IKBKB: variants seen among roughly 807,000 people sequenced by gnomAD.
The protein encoded by IKBKB is inhibitor of nuclear factor kappa-B kinase subunit beta.
In IKBKB, 42 loss-of-function variants were observed where a neutral mutation model predicts 113.6. The ratio of observed to expected loss-of-function variants is 0.37; its 90% CI spans 0.29 to 0.48. The LOEUF (loss-of-function observed/expected upper bound fraction) is 0.48. IKBKB is among the 20% of genes least tolerant of loss of function. IKBKB has a pLI of 0.99. For missense variants in IKBKB, 673 were observed against 939.7 expected, an observed-to-expected ratio of 0.72 and a Z score of 3.71; for synonymous variants, 296 against 361.3, an observed-to-expected ratio of 0.82 and a Z score of 2.05.
intron 1 of IKBKB, 151 bp downstream of exon 1, chr8:42,271,620 G>A: frequency 1.8e-6 from 1 of 548,880 alleles, no homozygotes; most frequent in South Asian, 2.2e-5. Context: ...AGTTCGGGAA[G>A]CCGGGAGAAA....
At position 42,321,960 on chromosome 8, in the gene IKBKB, G is replaced by T. The variant is rs1351664573; in HGVS notation, c.1738+15G>T. On this transcript the variant is annotated intron_variant, in intron 17 of 21. Coordinates refer to ENST00000520810, the MANE Select transcript of IKBKB (RefSeq NM_001556.3). ...AAAACCTCGAGGTAAGTGGGGTTCT[G>T]TGTCTGCCTTGGGCTTCTCCTTATC... 3.1e-6 allele frequency: 5 copies of T among 1,613,238 alleles called. No individual in the cohort carries two copies. Among genetic ancestry groups the T allele is most frequent in the Non-Finnish European group, 4.2e-6 (5 of 1,179,300 alleles).
intron 11 of IKBKB, 93 bp from the exon 12 acceptor site, chr8:42,317,564 G>T: frequency 1.2e-6 from 1 of 836,488 alleles, no homozygotes; most frequent in East Asian, 2.5e-5. Context: ...TGCTCTTGCT[G>T]AACAGTGGGG....
chr8:42,329,875 C>G, intron 21 of IKBKB: 3 of 985,384 alleles, frequency 3.0e-6, no homozygotes, highest in Non-Finnish European at 3.6e-6. Flanking sequence ...CTTTACATGG[C>G]CTTTACCTGC....
At chr8:42,325,601 C>A in intron 19 of IKBKB, 1 of 894,438 alleles carries the variant, frequency 1.1e-6, no homozygotes, top group Non-Finnish European at 1.4e-6. Flanking sequence ...ATCGCTTAAA[C>A]CCCGGAGGTG....
At chr8:42,322,598 G>C in intron 19 of IKBKB, 104 bp downstream of exon 19, 1 of 1,211,152 alleles carries the variant, frequency 8.3e-7, no homozygotes, top group Non-Finnish European at 1.2e-6. Flanking sequence ...AGAGCCACCA[G>C]CAGCCCACTC....
rs183438770 is a variant in IKBKB at position 42,326,957 on chromosome 8, G to T, written c.2114+860G>T. Among the ~76,000 whole-genome samples, 6 of 152,276 alleles carry T rather than the reference G, an allele frequency of 3.9e-5. No individual in the cohort carries two copies. In the East Asian group the frequency reaches 1.2e-3, roughly 29 times the overall value. ...TGGGAAACACCGATGATTACCTGGGGCAGGGGAGGAGGTTGGGAGTGACTG... is the reference window on the plus strand; with the variant it reads ...TGGGAAACACCGATGATTACCTGGGTCAGGGGAGGAGGTTGGGAGTGACTG... On this transcript the variant is annotated intron_variant, in intron 20 of 21. Coordinates refer to ENST00000520810, the MANE Select transcript of IKBKB (RefSeq NM_001556.3).
chr8:42,320,831 A>G lies in IKBKB; in HGVS notation c.1675A>G (p.Thr559Ala), dbSNP rs1182623073. Residue 559 changes from threonine (T) to alanine (A), a missense_variant, in exon 16 of 22, where the codon ACG becomes GCG. By Grantham distance (58) the Thr-to-Ala change is moderately conservative. This residue lies in a region of IKBKB where 506 missense variants were observed against 638.7 expected (regional missense o/e 0.79). Coordinates refer to ENST00000520810, the MANE Select transcript of IKBKB (RefSeq NM_001556.3). The stretch of plus-strand genomic sequence containing the variant: ...CCCCATGGGCCGGAAGCAGGGGGGA[A>G]CGCTGGACGACCTGTGAGTACTGGC... The part of the protein sequence containing the change: ...RSPMGRKQGG[T>A]LDDLEEQARE... 12 of 1,592,774 alleles carry G rather than the reference A, an allele frequency of 7.5e-6. No individual in the cohort carries two copies. In the Admixed American group the frequency reaches 1.0e-4, roughly 14 times the overall value.
At chr8:42,309,688 G>T (rs1409308586) in intron 8 of IKBKB, 1 of 163,450 alleles carries the variant, frequency 6.1e-6, no homozygotes, top group East Asian at 1.9e-4. Flanking sequence ...GGCAGAGGTC[G>T]CATCACTGCA....
rs534804914 is a variant in IKBKB at position 42,273,482 on chromosome 8, C to A, written c.105+1277C>A. Among the ~76,000 whole-genome samples the A allele has an allele frequency of 6.6e-5, 10 of 151,694 alleles. No individual in the cohort carries two copies. In the East Asian group the frequency reaches 1.9e-3, roughly 29 times the overall value. ...TATGATGTCTTCCCAGTATTGCTTG[C>A]GATACTGCACGGCAAAAAATAAGCA... On this transcript the variant is annotated intron_variant, in intron 2 of 21. Coordinates refer to ENST00000520810, the MANE Select transcript of IKBKB (RefSeq NM_001556.3).
chr8:42,309,994 A>G (rs546429832), intron 8 of IKBKB, among the ~76,000 whole-genome samples: 3 of 152,374 alleles, frequency 2.0e-5, no homozygotes, highest in Admixed American at 2.0e-4. Context: ...TATGGTAATT[A>G]GCTCAATGTA....
Position 42,316,092 on chromosome 8 carries a change from C to G in IKBKB, c.801-118C>G, listed in dbSNP as rs1818631089. On this transcript the variant is annotated intron_variant, in intron 9 of 21. Transcript: ENST00000520810. This position sits in a 1 kb window ranked among gnomAD's most constrained non-coding sequence, Gnocchi z 4.5. ...AATGTTTATACTGTTTCTGATAAAC[C>G]CATTTTCATTTTCAATCACCGTCTA... The G allele has an allele frequency of 1.9e-6, 2 of 1,071,490 alleles. No individual in the cohort carries two copies. The highest frequency in any genetic ancestry group is 2.7e-6 in the Non-Finnish European group (2 of 745,988). The allele number at this position is 1,071,490 out of a possible 1,614,324, so 66.4% of individuals were successfully genotyped here.
At chr8:42,302,661 A>C (rs376780532) in intron 5 of IKBKB, among the ~76,000 whole-genome samples, 9 of 152,160 alleles carry the variant, frequency 5.9e-5, no homozygotes, top group African/African-American at 2.2e-4. Context: ...CAGACTATAA[A>C]ATCATTTATA....
chr8:42,329,278 A>G (rs1250493082), intron 21 of IKBKB, 64 bp downstream of exon 21: 2 of 1,507,976 alleles, frequency 1.3e-6, no homozygotes, highest in African/African-American at 1.4e-5. Flanking sequence ...AATAGAAGAG[A>G]AAATGGAAAT....
chr8:42,284,825 C>CA (rs1297306914), intron 2 of IKBKB, among the ~76,000 whole-genome samples: 2 of 149,100 alleles, frequency 1.3e-5, no homozygotes, highest in Non-Finnish European at 3.0e-5. Context: ...GTAACATGGT[C>CA]TGCACATCAA....
intron 4 of IKBKB, among the ~76,000 whole-genome samples, chr8:42,291,378 C>T (rs1233544798): frequency 6.6e-6 from 1 of 152,122 alleles, no homozygotes; most frequent in Non-Finnish European, 1.5e-5. Context: ...GGCAGGGTTT[C>T]GCCACATCAG....
At position 42,317,748 on chromosome 8, in the gene IKBKB, A is replaced by C; in HGVS notation, c.1217A>C (p.Gln406Pro). 6.2e-7 allele frequency: 1 copy of C among 1,611,952 alleles called. No homozygotes were observed. Among genetic ancestry groups the C allele is most frequent in the Non-Finnish European group, 8.5e-7 (1 of 1,178,028 alleles). ...GAGACTCAGATCTCCCCACGGCCCC[A>C]ACCTGAAAGTGTCAGCTGTATCCGT... ...TYETQISPRP[Q>P]PESVSCILQE... Residue 406 changes from glutamine (Q) to proline (P), a missense_variant, in exon 12 of 22, where the codon CAA becomes CCA. Coordinates refer to ENST00000520810, the MANE Select transcript of IKBKB (RefSeq NM_001556.3).
chr8:42,303,397 T>G (rs1010010749), intron 5 of IKBKB, among the ~76,000 whole-genome samples: 1 of 152,226 alleles, frequency 6.6e-6, no homozygotes, highest in Non-Finnish European at 1.5e-5. Flanking sequence ...AATTATTTCA[T>G]TCAAGATATG....
At chr8:42,291,567 C>T (rs764289673) in intron 4 of IKBKB, among the ~76,000 whole-genome samples, 14 of 152,220 alleles carry the variant, frequency 9.2e-5, no homozygotes, top group Non-Finnish European at 1.9e-4. Context: ...ATAGTGGGGG[C>T]GGGAGCCCAG....
At chr8:42,297,269 C>T (rs1814074708) in intron 5 of IKBKB, among the ~76,000 whole-genome samples, 1 of 152,224 alleles carries the variant, frequency 6.6e-6, no homozygotes, top group Non-Finnish European at 1.5e-5. Flanking sequence ...AGCCGGAGTT[C>T]ATCTAACATA....
Sources: gnomAD v4.1 joint callset for allele counts (sites outside exome capture counted in the v4.1 genomes callset) on GRCh38, gnomAD v4.1.1 for gene constraint, gnomAD v4.1.1 regional missense constraint, Gnocchi (gnomAD v3.1) non-coding constraint, MANE v1.5 for transcripts, NCBI Gene and HGNC (gene_info 2026-07-23, HGNC 2026-07-21) for gene names.